The following NGEF variants were observed in gnomAD, a reference collection of about 807,000 sequenced individuals.
NGEF encodes neuronal guanine nucleotide exchange factor, also known as ephexin-1.
Under a neutral mutation model 80.9 loss-of-function variants are expected in NGEF, and 31 were observed. The ratio of observed to expected loss-of-function variants is 0.38; its 90% CI spans 0.29 to 0.52. The LOEUF (loss-of-function observed/expected upper bound fraction) is 0.52. Ranked by LOEUF, NGEF falls within the 20% of genes least tolerant of loss-of-function variation. NGEF has a pLI of 0.84. For missense variants in NGEF, 709 were observed against 926.2 expected, an observed-to-expected ratio of 0.77 and a Z score of 3.04; for synonymous variants, 371 against 370.2, an observed-to-expected ratio of 1.00 and a Z score of -0.03.
chr2:232,987,204 G>A (rs1050651816), intron 1 of NGEF, among the ~76,000 whole-genome samples: 1 of 152,112 alleles, frequency 6.6e-6, no homozygotes, highest in African/African-American at 2.4e-5. Flanking sequence ...TTTTGGTAGA[G>A]ATGAGGTTTC....
intron 5 of NGEF, among the ~76,000 whole-genome samples, chr2:232,913,640 G>C (rs1358780719): frequency 6.6e-6 from 1 of 152,084 alleles, no homozygotes; most frequent in African/African-American, 2.4e-5. Flanking sequence ...TAATTTTGTA[G>C]CCGGGCGCGG....
At chr2:232,986,604 C>T (rs534856188) in intron 1 of NGEF, among the ~76,000 whole-genome samples, 1 of 152,268 alleles carries the variant, frequency 6.6e-6, no homozygotes, top group African/African-American at 2.4e-5. Context: ...GTGAAATAAA[C>T]CACACACAGA....
At chr2:233,003,030 T>C (rs551450736) in intron 1 of NGEF, among the ~76,000 whole-genome samples, 1 of 152,030 alleles carries the variant, frequency 6.6e-6, no homozygotes, top group South Asian at 2.1e-4. Flanking sequence ...AGGGGGAGGG[T>C]GCACGCCTTT....
intron 1 of NGEF, among the ~76,000 whole-genome samples, chr2:233,004,696 T>G (rs1695051219): frequency 1.3e-5 from 2 of 152,114 alleles, no homozygotes; most frequent in Non-Finnish European, 2.9e-5. Flanking sequence ...TTACCTGCCC[T>G]TACTGGCCCC....
intron 3 of NGEF, among the ~76,000 whole-genome samples, chr2:232,967,706 G>GGTGTGTGTGTGT (rs10686172): frequency 2.0e-5 from 3 of 148,348 alleles, no homozygotes; most frequent in Non-Finnish European, 4.5e-5. Context: ...ATAAAATAGG[G>GGTGTGTGTGTGT]GTGTGTGTGT....
At chr2:232,993,004 T>TAC (rs140539108) in intron 1 of NGEF, among the ~76,000 whole-genome samples, 30,438 of 138,056 alleles carry the variant, frequency 0.22, 3,699 homozygotes, top group Non-Finnish European at 0.28. Flanking sequence ...TATATATATA[T>TAC]ACACACACAC....
chr2:232,997,707 G>A (rs536303678), intron 1 of NGEF, among the ~76,000 whole-genome samples: 1 of 152,154 alleles, frequency 6.6e-6, no homozygotes, highest in East Asian at 1.9e-4. Flanking sequence ...ACTGCTTCCA[G>A]CCACCCTGCT....
Position 232,920,246 on chromosome 2 carries a change from G to A in NGEF, c.828+38C>T, listed in dbSNP as rs200592060. The stretch of plus-strand genomic sequence containing the variant: ...CCCCAGCAGTGAGGGCCACCCCGGT[G>A]TGCTGTGGGGGAGCCCCCGCCCCTC... On this transcript the variant is annotated intron_variant, in intron 5 of 14. Transcript: ENST00000264051. 9,398 of 1,580,434 alleles carry A rather than the reference G, an allele frequency of 5.9e-3. 40 individuals carry two copies. Among genetic ancestry groups the A allele is most frequent in the Non-Finnish European group, 7.2e-3 (8,309 of 1,161,166 alleles).
chr2:232,922,358 T>G (rs1692964725), intron 4 of NGEF, among the ~76,000 whole-genome samples: 1 of 152,208 alleles, frequency 6.6e-6, no homozygotes, highest in African/African-American at 2.4e-5. Context: ...ATGACTTGGT[T>G]TCCATGCTCT....
At position 232,950,952 on chromosome 2, in the gene NGEF, C is replaced by T. The variant is rs553774724; in HGVS notation, c.383+19262G>A. Among the ~76,000 whole-genome samples the T allele has an allele frequency of 5.9e-5, 9 of 152,334 alleles. No individual in the cohort carries two copies. The South Asian group carries it at 1.5e-3, about 25-fold the overall frequency. The stretch of plus-strand genomic sequence containing the variant: ...CGCTCAGTAATTTATTTATTCAATG[C>T]GTGGCTATTAAGCATCCAGTATCTC... On this transcript the variant is annotated intron_variant, in intron 3 of 14. Transcript: ENST00000264051.
At chr2:232,899,017 CAT>C (rs776821102) in intron 5 of NGEF, among the ~76,000 whole-genome samples, 57 of 151,338 alleles carry the variant, frequency 3.8e-4, no homozygotes, top group African/African-American at 8.7e-4. Flanking sequence ...TGTGTGTTAA[CAT>C]GTGTGAGTGA....
chr2:232,929,946 A>G (rs576137098), intron 3 of NGEF, among the ~76,000 whole-genome samples: 3 of 152,276 alleles, frequency 2.0e-5, no homozygotes, highest in Non-Finnish European at 4.4e-5. Flanking sequence ...ATGGTTTTAT[A>G]AAGGGGAAAC....
At chr2:232,963,386 T>G (rs978378088) in intron 3 of NGEF, among the ~76,000 whole-genome samples, 1 of 151,968 alleles carries the variant, frequency 6.6e-6, no homozygotes, top group Non-Finnish European at 1.5e-5. Context: ...AGTCTAAAAC[T>G]TCTATAAGAA....
intron 3 of NGEF, among the ~76,000 whole-genome samples, chr2:232,955,070 G>A (rs1437608438): frequency 1.3e-5 from 2 of 152,170 alleles, no homozygotes; most frequent in South Asian, 2.1e-4. Context: ...AGAGAAAGCC[G>A]AAATAACCTG....
At chr2:232,989,981 T>C (rs1450848826) in intron 1 of NGEF, among the ~76,000 whole-genome samples, 2 of 152,186 alleles carry the variant, frequency 1.3e-5, no homozygotes, top group Admixed American at 1.3e-4. Flanking sequence ...CATTTAAACA[T>C]GGTAATGGTG....
intron 5 of NGEF, among the ~76,000 whole-genome samples, chr2:232,899,969 T>C (rs1692245262): frequency 8.9e-6 from 1 of 112,564 alleles, no homozygotes; most frequent in African/African-American, 3.9e-5. Context: ...CAGTCACTCA[T>C]ATACACATTC....
intron 1 of NGEF, among the ~76,000 whole-genome samples, chr2:232,988,431 CT>C (rs1261351845): frequency 2.0e-5 from 3 of 152,140 alleles, no homozygotes; most frequent in African/African-American, 2.4e-5. Context: ...ACTGAGATGT[CT>C]TTTTTCACTT....
intron 3 of NGEF, among the ~76,000 whole-genome samples, chr2:232,928,322 G>T (rs1449031882): frequency 6.7e-6 from 1 of 149,982 alleles, no homozygotes; most frequent in Non-Finnish European, 1.5e-5. Flanking sequence ...CCTGCCGCGG[G>T]CTCGCGCCTT....
At chr2:232,893,325 A>T (rs1203432176) in intron 6 of NGEF, among the ~76,000 whole-genome samples, 1 of 152,206 alleles carries the variant, frequency 6.6e-6, no homozygotes, top group African/African-American at 2.4e-5. Flanking sequence ...AGGATAAAAT[A>T]GATGACCATG....
Sources: allele counts gnomAD v4.1 joint callset (sites outside exome capture counted in the v4.1 genomes callset), GRCh38; gene constraint gnomAD v4.1.1; transcripts MANE v1.5; gene names NCBI Gene and HGNC (gene_info 2026-07-23, HGNC 2026-07-21).